The following RBMS3 variants were observed in gnomAD, a reference collection of about 807,000 sequenced individuals.
RBMS3 encodes RNA binding motif single stranded interacting protein 3.
Under a neutral mutation model 66.8 loss-of-function variants are expected in RBMS3, and 27 were observed. The ratio of observed to expected loss-of-function variants is 0.40; its 90% CI spans 0.30 to 0.56. RBMS3 has a LOEUF of 0.56. Among genes scored for constraint, RBMS3 ranks in the 20% least tolerant of loss-of-function variants. The pLI is 0.40. For missense variants in RBMS3, 513 were observed against 549.5 expected (o/e 0.93, Z 0.66); for synonymous variants, 188 against 183.0 (o/e 1.03, Z -0.22).
intron 6 of RBMS3, among the ~76,000 whole-genome samples, chr3:29,787,182 A>T (rs1478724824): frequency 2.0e-5 from 3 of 152,094 alleles, no homozygotes; most frequent in Non-Finnish European, 2.9e-5. Flanking sequence ...AAAAAAAAAA[A>T]TAGATGTTGG....
At chr3:29,479,086 G>A (rs1267279729) in intron 2 of RBMS3, among the ~76,000 whole-genome samples, 3 of 152,094 alleles carry the variant, frequency 2.0e-5, no homozygotes, top group African/African-American at 4.8e-5. Flanking sequence ...GAAGCCAAAT[G>A]TAATTGAATT....
intron 3 of RBMS3, among the ~76,000 whole-genome samples, chr3:29,494,125 T>G (rs1050955506): frequency 7.2e-5 from 11 of 151,964 alleles, no homozygotes; most frequent in African/African-American, 2.4e-4. Context: ...GTGTGTAAGT[T>G]AGTCTTTACC....
chr3:29,452,170 A>G, intron 2 of RBMS3, among the ~76,000 whole-genome samples: 1 of 152,142 alleles, frequency 6.6e-6, no homozygotes, highest in East Asian at 1.9e-4. Context: ...GATATGTACA[A>G]TATATGGCTC....
chr3:29,978,470 T>A (rs1697749568), intron 12 of RBMS3, among the ~76,000 whole-genome samples: 1 of 152,100 alleles, frequency 6.6e-6, no homozygotes, highest in African/African-American at 2.4e-5. Context: ...GCAGAAAGAT[T>A]TTTTTTCATT....
chr3:29,372,619 T>A (rs2038263323), intron 1 of RBMS3, among the ~76,000 whole-genome samples: 3 of 152,134 alleles, frequency 2.0e-5, no homozygotes, highest in Admixed American at 6.5e-5. Flanking sequence ...AATTGCACTG[T>A]TTTTATGTAT....
chr3:29,955,143 G>A (rs1008692261), intron 12 of RBMS3, among the ~76,000 whole-genome samples: 3 of 151,960 alleles, frequency 2.0e-5, no homozygotes, highest in Non-Finnish European at 4.4e-5. Flanking sequence ...CCACAGTATG[G>A]TGATAGCTGC....
intron 6 of RBMS3, among the ~76,000 whole-genome samples, chr3:29,830,230 C>T (rs2058336059): frequency 1.3e-5 from 2 of 151,904 alleles, no homozygotes; most frequent in Admixed American, 6.6e-5. Flanking sequence ...TGTTTTCCTA[C>T]ATTAAAAATT....
chr3:29,819,019 T>G (rs2149471586), intron 6 of RBMS3, among the ~76,000 whole-genome samples: 1 of 152,238 alleles, frequency 6.6e-6, no homozygotes, highest in South Asian at 2.1e-4. Flanking sequence ...TTTAGTAAAA[T>G]TAAGAAAAAC....
intron 4 of RBMS3, among the ~76,000 whole-genome samples, chr3:29,704,274 G>A (rs2052771147): frequency 6.6e-6 from 1 of 152,086 alleles, no homozygotes; most frequent in Admixed American, 6.6e-5. Context: ...TAAAGGTTGG[G>A]GACCCCTGAT....
chr3:29,994,755 C>A (rs969450581), intron 14 of RBMS3, among the ~76,000 whole-genome samples: 2 of 152,194 alleles, frequency 1.3e-5, no homozygotes, highest in African/African-American at 2.4e-5. Context: ...AGGACATCCA[C>A]ACCAAAAACC....
intron 4 of RBMS3, among the ~76,000 whole-genome samples, chr3:29,592,552 T>G (rs1056199726): frequency 6.6e-6 from 1 of 152,196 alleles, no homozygotes; most frequent in Non-Finnish European, 1.5e-5. Context: ...TCTTTTACAC[T>G]GTTGGTGAGA....
intron 4 of RBMS3, among the ~76,000 whole-genome samples, chr3:29,599,923 T>C (rs1272756157): frequency 1.3e-5 from 2 of 151,772 alleles, no homozygotes; most frequent in African/African-American, 2.4e-5. Flanking sequence ...AAGACAAATA[T>C]AGTAAACAAA....
chr3:29,365,073 T>C (rs2037821849), intron 1 of RBMS3, among the ~76,000 whole-genome samples: 1 of 152,112 alleles, frequency 6.6e-6, no homozygotes, highest in Non-Finnish European at 1.5e-5. Flanking sequence ...TGATATTTTA[T>C]ATTAGGATGT....
At position 29,686,156 on chromosome 3, in the gene RBMS3, GC is replaced by G. The variant is rs138828096; in HGVS notation, c.400-53563del. Among the ~76,000 whole-genome samples the G allele has an allele frequency of 4.2e-3, 637 of 152,230 alleles. 14 individuals are homozygous for G. Among genetic ancestry groups the G allele is most frequent in the Admixed American group, 0.036 (545 of 15,276 alleles). ...TACCAAGACTCTCTGGCCAACGTAG[GC>G]TAACAGTTCTTTTCCCTTGAGTTTT... On this transcript the variant is annotated intron_variant, in intron 4 of 14. Transcript: ENST00000383767.
intron 12 of RBMS3, among the ~76,000 whole-genome samples, chr3:29,984,588 TG>T (rs879934469): frequency 1.3e-5 from 2 of 152,096 alleles, no homozygotes; most frequent in Admixed American, 1.3e-4. Context: ...GACCTTCAGA[TG>T]GGTTTTTTGT....
chr3:29,880,071 T>C (rs2059700708), intron 7 of RBMS3, among the ~76,000 whole-genome samples: 1 of 152,186 alleles, frequency 6.6e-6, no homozygotes, highest in South Asian at 2.1e-4. Flanking sequence ...CATTTGTTAA[T>C]AATAAAAATC....
At chr3:29,329,894 TAATA>T (rs2035555678) in intron 1 of RBMS3, among the ~76,000 whole-genome samples, 1 of 147,884 alleles carries the variant, frequency 6.8e-6, no homozygotes, top group African/African-American at 2.4e-5. Flanking sequence ...ACTATATAAT[TAATA>T]TATATATTAA....
Position 30,009,028 on chromosome 3 carries a change from A to G in RBMS3, c.*5166A>G, listed in dbSNP as rs1699883546. 1 of 152,092 alleles carries G rather than the reference A, an allele frequency of 6.6e-6. No individual in the cohort carries two copies. Among genetic ancestry groups the G allele is most frequent in the South Asian group, 2.1e-4 (1 of 4,834 alleles). The allele number at this position is 152,092 out of a possible 1,614,324, so 9.4% of individuals were successfully genotyped here. A position where few individuals can be genotyped will look rare whatever the true frequency, so the allele number is the denominator to read the frequency against. On this transcript the variant is annotated 3_prime_UTR_variant, in exon 15 of 15. Coordinates refer to ENST00000383767, the MANE Select transcript of RBMS3 (RefSeq NM_001003793.3). ...TGGCTTTCAATATTCATTTCTGTTT[A>G]TTTTTGTGAGGGAAAATAATATATC...
intron 1 of RBMS3, among the ~76,000 whole-genome samples, chr3:29,324,220 G>A (rs2035184466): frequency 6.6e-6 from 1 of 152,146 alleles, no homozygotes; most frequent in African/African-American, 2.4e-5. Flanking sequence ...GAAGGACCCA[G>A]TTAGAACCAG....
Sources: gnomAD v4.1 joint callset for allele counts (sites outside exome capture counted in the v4.1 genomes callset) on GRCh38, gnomAD v4.1.1 for gene constraint, MANE v1.5 for transcripts, NCBI Gene and HGNC (gene_info 2026-07-23, HGNC 2026-07-21) for gene names.